DNER: variants seen among roughly 807,000 people sequenced by gnomAD.
DNER encodes delta/notch like EGF repeat containing.
A neutral mutation model predicts 78.2 loss-of-function variants in DNER; 33 were observed. The observed-to-expected ratio is 0.42, with a 90% CI of 0.32 to 0.56. The LOEUF is 0.56. Among genes scored for constraint, DNER ranks in the 20% least tolerant of loss-of-function variants. The probability of loss-of-function intolerance (pLI) is 0.11; values close to 1 mark genes in which losing one functional copy is unlikely to be tolerated. For missense variants in DNER, 918 were observed against 975.3 expected, an observed-to-expected ratio of 0.94 and a Z score of 0.78; for synonymous variants, 417 against 384.8, an observed-to-expected ratio of 1.08 and a Z score of -0.98.
At chr2:229,621,768 A>G (rs190506696) in intron 1 of DNER, among the ~76,000 whole-genome samples, 4 of 152,216 alleles carry the variant, frequency 2.6e-5, no homozygotes, top group South Asian at 4.1e-4. Flanking sequence ...AAGGCTCCCA[A>G]GGGGTCTCAG....
At chr2:229,417,704 G>A (rs758901368) in intron 9 of DNER, among the ~76,000 whole-genome samples, 5 of 152,022 alleles carry the variant, frequency 3.3e-5, no homozygotes, top group Admixed American at 2.0e-4. Flanking sequence ...ATGGGACTCC[G>A]CCTGCCTCCT....
chr2:229,560,556 G>A (rs763981461), intron 4 of DNER, among the ~76,000 whole-genome samples: 25 of 152,112 alleles, frequency 1.6e-4, no homozygotes, highest in Non-Finnish European at 2.1e-4. Context: ...TCAGAGGCAG[G>A]GGTGAAACAG....
chr2:229,617,209 T>C (rs1360126168), intron 1 of DNER, among the ~76,000 whole-genome samples: 1 of 152,236 alleles, frequency 6.6e-6, no homozygotes, highest in Non-Finnish European at 1.5e-5. Flanking sequence ...CTTGATTCCA[T>C]AACAGTAAAT....
chr2:229,613,973 C>A (rs1574928366), intron 1 of DNER, among the ~76,000 whole-genome samples: 1 of 124,722 alleles, frequency 8.0e-6, no homozygotes. Context: ...GGGAATTGAA[C>A]AATGAGAACA....
At chr2:229,611,526 G>A (rs2154215195) in intron 1 of DNER, among the ~76,000 whole-genome samples, 1 of 152,260 alleles carries the variant, frequency 6.6e-6, no homozygotes, top group East Asian at 1.9e-4. Context: ...TCTTCTAAAA[G>A]AACCAAATAG....
intron 1 of DNER, among the ~76,000 whole-genome samples, chr2:229,603,673 T>C (rs562220300): frequency 6.6e-6 from 1 of 152,128 alleles, no homozygotes; most frequent in Non-Finnish European, 1.5e-5. Context: ...ATTGTCAACC[T>C]TGATCTGAGT....
intron 1 of DNER, among the ~76,000 whole-genome samples, chr2:229,621,125 T>A (rs1698245003): frequency 6.6e-6 from 1 of 152,138 alleles, no homozygotes; most frequent in Non-Finnish European, 1.5e-5. Flanking sequence ...CATTACTAAG[T>A]GCTCTTACTA....
intron 5 of DNER, among the ~76,000 whole-genome samples, chr2:229,527,868 A>G (rs892398835): frequency 2.0e-5 from 3 of 152,282 alleles, no homozygotes; most frequent in South Asian, 4.1e-4. Context: ...TAAAATTGAC[A>G]TATGTCAACA....
At chr2:229,590,543 C>T (rs888095979) in intron 2 of DNER, among the ~76,000 whole-genome samples, 1 of 152,074 alleles carries the variant, frequency 6.6e-6, no homozygotes, top group East Asian at 1.9e-4. Flanking sequence ...TCCTAACCAC[C>T]ATGATGATGG....
intron 1 of DNER, among the ~76,000 whole-genome samples, chr2:229,685,099 G>A (rs1043259152): frequency 6.6e-6 from 1 of 152,144 alleles, no homozygotes; most frequent in Admixed American, 6.6e-5. Flanking sequence ...GACTGTGGTC[G>A]TATAATAATA....
rs377219546 is a variant in DNER, at chr2:229,412,686, C to T, written c.1610-5341G>A. 4.5e-4 allele frequency among the ~76,000 whole-genome samples: 68 copies of T among 152,222 alleles called. No homozygotes were observed. The Middle Eastern group carries it at 0.017, about 38-fold the overall frequency. ...AGAGAGAAAGGGGCCTGGAGACCCA[C>T]GTCATTCATGGCATCTGGGAGACCA... On this transcript the variant is annotated intron_variant, in intron 9 of 12. Transcript: ENST00000341772.
At chr2:229,411,470 T>C (rs1425760724) in intron 9 of DNER, among the ~76,000 whole-genome samples, 1 of 151,916 alleles carries the variant, frequency 6.6e-6, no homozygotes, top group Admixed American at 6.6e-5. Flanking sequence ...GACAGGAGGA[T>C]TGCTTGAACC....
rs189563790 is a variant in DNER, at chr2:229,572,024, C to A, written c.847+13834G>T. Among the ~76,000 whole-genome samples, 4 of 152,312 alleles carry A rather than the reference C, an allele frequency of 2.6e-5. No homozygotes were observed. The East Asian group carries it at 7.7e-4, about 29-fold the overall frequency. ...AAGCTAAATACAGATCTCAACACAG[C>A]ACACACACCCCTTTGCAGTCTGGCT... On this transcript the variant is annotated intron_variant, in intron 4 of 12. Transcript: ENST00000341772.
intron 1 of DNER, among the ~76,000 whole-genome samples, chr2:229,634,790 C>T (rs562034349): frequency 1.1e-4 from 16 of 152,266 alleles, no homozygotes; most frequent in Non-Finnish European, 1.9e-4. Context: ...CCTCTGCGAG[C>T]GGGAAGGAGG....
chr2:229,639,472 T>C (rs1486748714), intron 1 of DNER, among the ~76,000 whole-genome samples: 2 of 152,174 alleles, frequency 1.3e-5, no homozygotes, highest in African/African-American at 2.4e-5. Flanking sequence ...CAGGCTGGTC[T>C]TGAACTCCTG....
In DNER at chr2:229,407,386, T is replaced by C. The variant is rs571779927; in HGVS notation, c.1610-41A>G. 1.9e-5 allele frequency: 30 copies of C among 1,575,756 alleles called. No homozygotes were observed. The South Asian group carries it at 3.3e-4, about 18-fold the overall frequency. ...CAAAACAGGATGACTCATCCAGGAC[T>C]CTCTGGCTCCCATGGCCTCTGAAAG... On this transcript the variant is annotated intron_variant, in intron 9 of 12. Transcript: ENST00000341772.
intron 6 of DNER, among the ~76,000 whole-genome samples, chr2:229,492,324 C>T (rs1412660470): frequency 6.6e-6 from 1 of 152,210 alleles, no homozygotes; most frequent in Admixed American, 6.5e-5. Flanking sequence ...CCATGTCTCA[C>T]TAGCTTTGTT....
intron 6 of DNER, among the ~76,000 whole-genome samples, chr2:229,490,390 A>AAAAAC (rs1695374250): frequency 6.6e-6 from 1 of 152,244 alleles, no homozygotes; most frequent in South Asian, 2.1e-4. Context: ...ACAATGGAAT[A>AAAAAC]TTATTCAGGC....
chr2:229,644,722 C>G (rs1037066110), intron 1 of DNER, among the ~76,000 whole-genome samples: 6 of 152,150 alleles, frequency 3.9e-5, no homozygotes, highest in Non-Finnish European at 7.3e-5. Flanking sequence ...GCTCTTTCAT[C>G]CTGACAATTA....
Sources: gnomAD v4.1 joint callset for allele counts (sites outside exome capture counted in the v4.1 genomes callset) on GRCh38, gnomAD v4.1.1 for gene constraint, MANE v1.5 for transcripts, NCBI Gene and HGNC (gene_info 2026-07-23, HGNC 2026-07-21) for gene names.